C8B: variants seen among roughly 807,000 people sequenced by gnomAD.
C8B encodes complement C8 beta chain, also known as complement component C8 beta chain.
C8B carries 67 observed loss-of-function variants against 64.6 expected under a neutral mutation model. That is an observed-to-expected ratio of 1.04 (90% CI 0.85 to 1.27). The LOEUF (loss-of-function observed/expected upper bound fraction) is 1.27, where lower values mean the gene tolerates loss of function less well. Ranked by LOEUF, C8B falls within the 50% of genes most tolerant of loss-of-function variation. The probability of loss-of-function intolerance (pLI) is 0.00; values close to 1 mark genes in which losing one functional copy is unlikely to be tolerated. For synonymous variants in C8B, 284 were observed against 257.7 expected (o/e 1.10, Z -0.98); for missense variants, 790 against 725.2 (o/e 1.09, Z -1.03).
chr1:56,949,846 T>C (rs1475770710), intron 5 of C8B, 94 bp from the exon 6 acceptor site: 1 of 858,032 alleles, frequency 1.2e-6, no homozygotes, highest in East Asian at 2.6e-5. Flanking sequence ...TACCATGTGC[T>C]GGATACTGAA....
At chr1:56,941,528 A>AGAT (rs952965158) in intron 8 of C8B, among the ~76,000 whole-genome samples, 14 of 135,078 alleles carry the variant, frequency 1.0e-4, no homozygotes, top group Admixed American at 1.4e-4. Context: ...ATAGATAGAT[A>AGAT]GATAGATAGA....
chr1:56,940,356 T>G (rs1570379294), intron 9 of C8B, among the ~76,000 whole-genome samples: 1 of 151,150 alleles, frequency 6.6e-6, no homozygotes, highest in East Asian at 1.9e-4. Flanking sequence ...TCACTTGAGG[T>G]CAGTTCAAGA....
Position 56,952,155 on chromosome 1 carries a change from C to T in C8B, c.559G>A (p.Glu187Lys). 1.9e-6 allele frequency: 3 copies of T among 1,614,116 alleles called. No individual in the cohort carries two copies. Among genetic ancestry groups the T allele is most frequent in the Non-Finnish European group, 2.5e-6 (3 of 1,179,998 alleles). The change falls in exon 5 of 12, where the codon GAG (glutamate) becomes AAG (lysine). Residue 187 changes from glutamate to lysine, a missense_variant. Glu to Lys is a moderately conservative substitution (Grantham distance 56). Transcript: ENST00000371237. ...SGINLFTNSF[E>K]GPVLDHRYYA... is the part of the protein sequence containing the mutation. The stretch of plus-strand genomic sequence containing the variant: ...TACCTGTGATCAAGAACTGGGCCCT[C>T]AAAACTGTTTGTGAACAAATTTATC...
At chr1:56,943,272 G>A (rs148992536) in intron 8 of C8B, among the ~76,000 whole-genome samples, 173 of 152,166 alleles carry the variant, frequency 1.1e-3, no homozygotes, top group South Asian at 2.7e-3. Context: ...AAAGACACTT[G>A]TACGTGCGTA....
chr1:56,930,483 G>A (rs966176753), intron 11 of C8B, among the ~76,000 whole-genome samples: 1 of 152,202 alleles, frequency 6.6e-6, no homozygotes, highest in African/African-American at 2.4e-5. Context: ...GGAACCCTGT[G>A]GTTGTGTGAC....
chr1:56,934,127 T>C (rs1354775216), intron 9 of C8B, among the ~76,000 whole-genome samples: 2 of 139,080 alleles, frequency 1.4e-5, no homozygotes, highest in African/African-American at 2.6e-5. Context: ...TGCTCCTTTA[T>C]AGTCAATACT....
Position 56,954,766 on chromosome 1 carries a change from A to C in C8B, c.453T>G (p.Asp151Glu). ...TATAAATCCTTCTACAGTTTGCTTC[A>C]TCTGACTGGTCTCCACAGTCATTGT... is the stretch of plus-strand genomic sequence containing the variant. ...NGDNDCGDQS[D>E]EANCRRIYKK... Residue 151 changes from aspartate (D) to glutamate (E), a missense_variant, in exon 4 of 12, where the codon GAT becomes GAG. Coordinates refer to ENST00000371237, the MANE Select transcript of C8B (RefSeq NM_000066.4). 6.2e-7 allele frequency: 1 copy of C among 1,614,174 alleles called. No individual in the cohort carries two copies. The highest frequency in any genetic ancestry group is 8.5e-7 in the Non-Finnish European group (1 of 1,180,000).
chr1:56,947,700 G>A (rs1644961210), intron 6 of C8B, among the ~76,000 whole-genome samples: 1 of 152,150 alleles, frequency 6.6e-6, no homozygotes, highest in Non-Finnish European at 1.5e-5. Flanking sequence ...GGGAGGCCAA[G>A]GCAGGCAGAT....
rs200901143 is a variant in C8B, at chr1:56,929,452, C to A, written c.1728G>T (p.Gly576=). 1 of 1,612,774 alleles carries A rather than the reference C, an allele frequency of 6.2e-7. No homozygotes were observed. The highest frequency in any genetic ancestry group is 1.1e-5 in the South Asian group (1 of 91,018). Reference sequence around the variant, plus strand: ...AAGCAGGGCCTGAACAGGGGCTACCCCCATTTTGAGGAGGTGGATTGTTAC... The same window carrying A: ...AAGCAGGGCCTGAACAGGGGCTACCACCATTTTGAGGAGGTGGATTGTTAC... ...RQCNNPPPQN[G]GSPCSGPASE... Residue 576 remains glycine, a synonymous_variant, in exon 12 of 12, where the codon GGG becomes GGT. Transcript: ENST00000371237.
At chr1:56,948,420 C>T (rs1644973944) in intron 6 of C8B, among the ~76,000 whole-genome samples, 1 of 152,094 alleles carries the variant, frequency 6.6e-6, no homozygotes, top group Admixed American at 6.5e-5. Context: ...CAGTTCTTAG[C>T]CTGGAAAAGT....
chr1:56,958,444 C>T (rs1433228126), intron 2 of C8B, among the ~76,000 whole-genome samples: 2 of 152,072 alleles, frequency 1.3e-5, no homozygotes, highest in Non-Finnish European at 2.9e-5. Context: ...GTCATTCTTT[C>T]TAGAAGGCAG....
rs921827461 is a variant in C8B at position 56,952,171 on chromosome 1, C to T, written c.543G>A (p.Leu181=). Residue 181 remains leucine (L), a synonymous_variant, in exon 5 of 12, where the codon TTG becomes TTA. Coordinates refer to ENST00000371237, the MANE Select transcript of C8B (RefSeq NM_000066.4). ...CTGGGCCCTCAAAACTGTTTGTGAACAAATTTATCCTGTGAGGAAGAGACA... is the reference window on the plus strand; with the variant it reads ...CTGGGCCCTCAAAACTGTTTGTGAATAAATTTATCCTGTGAGGAAGAGACA... ...GIGSLASGIN[L]FTNSFEGPVL... 15 of 1,614,026 alleles carry T rather than the reference C, an allele frequency of 9.3e-6. No homozygotes were observed. Among genetic ancestry groups the T allele is most frequent in the Non-Finnish European group, 1.2e-5 (14 of 1,180,004 alleles).
At chr1:56,936,881 C>T (rs1216304083) in intron 9 of C8B, among the ~76,000 whole-genome samples, 1 of 152,156 alleles carries the variant, frequency 6.6e-6, no homozygotes. Flanking sequence ...GTGTGAGCCA[C>T]CACACCTGCT....
At chr1:56,950,100 T>A (rs1053048911) in intron 5 of C8B, among the ~76,000 whole-genome samples, 4 of 152,090 alleles carry the variant, frequency 2.6e-5, no homozygotes, top group African/African-American at 9.7e-5. Context: ...AGCAGTGCAG[T>A]TCATTGAGAA....
At chr1:56,933,022 T>C (rs540106390) in intron 10 of C8B, among the ~76,000 whole-genome samples, 2 of 152,328 alleles carry the variant, frequency 1.3e-5, no homozygotes, top group Admixed American at 1.3e-4. Context: ...CTTCTTATTA[T>C]GTATTAGTCA....
At chr1:56,929,588 T>A in intron 11 of C8B, 30 bp from the exon 12 acceptor site, 8 of 1,608,782 alleles carry the variant, frequency 5.0e-6, no homozygotes, top group Non-Finnish European at 6.8e-6. Context: ...TAAGCATCAA[T>A]CAGCACTTCT....
At chr1:56,957,718 A>C (rs181066225) in intron 2 of C8B, among the ~76,000 whole-genome samples, 26 of 152,182 alleles carry the variant, frequency 1.7e-4, no homozygotes, top group Non-Finnish European at 2.6e-4. Context: ...GGTCAGTTTT[A>C]TTGGTAATTG....
chr1:56,943,550 G>A (rs1644895797), intron 8 of C8B, 146 bp downstream of exon 8: 1 of 951,136 alleles, frequency 1.1e-6, no homozygotes, highest in Non-Finnish European at 1.7e-6. Flanking sequence ...ATGTTAGATG[G>A]TAAAACTATA....
rs984431031 is a variant in C8B at position 56,954,606 on chromosome 1, A to G, written c.533+80T>C. On this transcript the variant is annotated intron_variant, in intron 4 of 11. Coordinates refer to ENST00000371237, the MANE Select transcript of C8B (RefSeq NM_000066.4). ...GTGAGTGAGGACCTCTGTTTATATC[A>G]GTTCTCTCATTCTCTATCCGCCAGA... 3.2e-6 allele frequency: 5 copies of G among 1,551,336 alleles called. No individual in the cohort carries two copies. The African/African-American group carries it at 5.4e-5, about 17-fold the overall frequency.
Sources: gnomAD v4.1 joint callset for allele counts (sites outside exome capture counted in the v4.1 genomes callset) on GRCh38, gnomAD v4.1.1 for gene constraint, MANE v1.5 for transcripts, NCBI Gene and HGNC (gene_info 2026-07-23, HGNC 2026-07-21) for gene names.